The following ENOX1 variants were observed in gnomAD, a reference collection of about 807,000 sequenced individuals.
The protein encoded by ENOX1 is candidate growth-related and time keeping constitutive hydroquinone (NADH) oxidase.
Under a neutral mutation model 82.5 loss-of-function variants are expected in ENOX1, and 42 were observed. That is an observed-to-expected ratio of 0.51 (90% CI 0.40 to 0.66). The LOEUF (loss-of-function observed/expected upper bound fraction) is 0.66, where lower values mean the gene tolerates loss of function less well. ENOX1 is among the 30% of genes least tolerant of loss of function. ENOX1 has a pLI of 0.00. For missense variants in ENOX1, 608 were observed against 811.6 expected, an observed-to-expected ratio of 0.75 and a Z score of 3.05; for synonymous variants, 271 against 282.2, an observed-to-expected ratio of 0.96 and a Z score of 0.40.
chr13:43,444,454 G>A (rs2056519373), intron 3 of ENOX1, among the ~76,000 whole-genome samples: 1 of 152,158 alleles, frequency 6.6e-6, no homozygotes, highest in Admixed American at 6.5e-5. Flanking sequence ...GACCTGGAGA[G>A]AGAAAAAAGT....
chr13:43,628,508 T>C (rs2083066911), intron 2 of ENOX1, among the ~76,000 whole-genome samples: 1 of 152,188 alleles, frequency 6.6e-6, no homozygotes, highest in African/African-American at 2.4e-5. Context: ...CTTTCTATTT[T>C]TGCATTTATT....
rs535087759 is a variant in ENOX1 at position 43,413,108 on chromosome 13, C to T, written c.-74-120G>A. 40 of 1,033,280 alleles carry T rather than the reference C, an allele frequency of 3.9e-5. No homozygotes were observed. In the South Asian group the frequency reaches 7.9e-4, roughly 20 times the overall value. The allele number at this position is 1,033,280 out of a possible 1,614,324, so 64.0% of individuals were successfully genotyped here. A position where few individuals can be genotyped will look rare whatever the true frequency, so the allele number is the denominator to read the frequency against. On this transcript the variant is annotated intron_variant, in intron 3 of 16. Coordinates refer to ENST00000690772, the MANE Select transcript of ENOX1 (RefSeq NM_001347969.2). The stretch of plus-strand genomic sequence containing the variant: ...AAAGACCGATTTCCAGTCTCAGGCA[C>T]AGAAGAAATGCTGCTTCCCATCGCT...
intron 5 of ENOX1, among the ~76,000 whole-genome samples, chr13:43,385,997 C>T (rs1309929969): frequency 6.6e-6 from 1 of 152,128 alleles, no homozygotes; most frequent in East Asian, 1.9e-4. Context: ...GAAACCCCAT[C>T]TCTACTAAAA....
At chr13:43,340,072 A>G (rs2048967645) in intron 9 of ENOX1, among the ~76,000 whole-genome samples, 1 of 152,206 alleles carries the variant, frequency 6.6e-6, no homozygotes, top group African/African-American at 2.4e-5. Context: ...CACTAGAGAG[A>G]GGGAAATTCG....
At chr13:43,491,541 G>A (rs1215935611) in intron 2 of ENOX1, among the ~76,000 whole-genome samples, 2 of 152,178 alleles carry the variant, frequency 1.3e-5, no homozygotes, top group African/African-American at 2.4e-5. Context: ...GGCTGAGGAG[G>A]CAGATCATTT....
chr13:43,229,220 G>A (rs911273521), intron 15 of ENOX1, among the ~76,000 whole-genome samples: 2 of 152,202 alleles, frequency 1.3e-5, no homozygotes, highest in African/African-American at 4.8e-5. Context: ...CTGTGGAACT[G>A]TAAGTCCATT....
intron 2 of ENOX1, among the ~76,000 whole-genome samples, chr13:43,640,858 A>T (rs1487582643): frequency 9.3e-6 from 1 of 107,704 alleles, no homozygotes; most frequent in Non-Finnish European, 1.8e-5. Context: ...GTTTTAGAAC[A>T]CATACACACA....
intron 11 of ENOX1, among the ~76,000 whole-genome samples, chr13:43,313,142 G>A (rs2875524): frequency 0.95 from 145,157 of 152,228 alleles, 69,617 homozygotes; most frequent in East Asian, 1. Context: ...TGAGCTCTAG[G>A]CTTTCCACTT....
At chr13:43,300,214 C>A (rs932445194) in intron 11 of ENOX1, among the ~76,000 whole-genome samples, 5 of 151,900 alleles carry the variant, frequency 3.3e-5, no homozygotes, top group Non-Finnish European at 7.4e-5. Flanking sequence ...CATCTCAGAC[C>A]ACAAAAAGAG....
At chr13:43,708,113 T>G (rs971343635) in intron 1 of ENOX1, among the ~76,000 whole-genome samples, 6 of 151,834 alleles carry the variant, frequency 4.0e-5, no homozygotes, top group African/African-American at 1.5e-4. Flanking sequence ...ATCTCAGGAG[T>G]TGGGTGAGTG....
rs190404624 is a variant in ENOX1 at position 43,436,570 on chromosome 13, C to T, written c.-74-23582G>A. On this transcript the variant is annotated intron_variant, in intron 3 of 16. Coordinates refer to ENST00000690772, the MANE Select transcript of ENOX1 (RefSeq NM_001347969.2). ...GGAATGGCAGGAGTCTGTTCACAAC[C>T]TTTCATGGCAGAGAAGAGTTATATA... Among the ~76,000 whole-genome samples the T allele has an allele frequency of 3.2e-3, 480 of 152,224 alleles. 2 individuals carry two copies. Among genetic ancestry groups the T allele is most frequent in the Admixed American group, 6.1e-3 (93 of 15,274 alleles).
chr13:43,316,409 A>G (rs1174595433), intron 11 of ENOX1, among the ~76,000 whole-genome samples: 1 of 152,190 alleles, frequency 6.6e-6, no homozygotes, highest in Non-Finnish European at 1.5e-5. Context: ...TTGTGCACAT[A>G]TGAGAGAGAT....
At chr13:43,681,787 T>C (rs1425973624) in intron 1 of ENOX1, among the ~76,000 whole-genome samples, 1 of 151,920 alleles carries the variant, frequency 6.6e-6, no homozygotes, top group Non-Finnish European at 1.5e-5. Flanking sequence ...TTCTGGCCTG[T>C]TTAGGAGAAG....
chr13:43,499,679 C>T (rs773438468), intron 2 of ENOX1, among the ~76,000 whole-genome samples: 2 of 151,736 alleles, frequency 1.3e-5, no homozygotes, highest in African/African-American at 4.8e-5. Flanking sequence ...GCACAGACAC[C>T]AACACAAAGA....
intron 2 of ENOX1, among the ~76,000 whole-genome samples, chr13:43,585,398 C>T (rs2153721966): frequency 6.6e-6 from 1 of 152,216 alleles, no homozygotes; most frequent in South Asian, 2.1e-4. Flanking sequence ...TGCTTTAAGG[C>T]ACTATATTGG....
chr13:43,596,822 A>G (rs2081494468), intron 2 of ENOX1, among the ~76,000 whole-genome samples: 1 of 152,232 alleles, frequency 6.6e-6, no homozygotes, highest in African/African-American at 2.4e-5. Context: ...ACATTCACAC[A>G]ACCATGTATT....
chr13:43,227,629 T>A (rs531042448), intron 15 of ENOX1, among the ~76,000 whole-genome samples: 1 of 152,198 alleles, frequency 6.6e-6, no homozygotes, highest in African/African-American at 2.4e-5. Context: ...AAAATTTTCA[T>A]TGAAACTATT....
intron 1 of ENOX1, among the ~76,000 whole-genome samples, chr13:43,678,349 T>A (rs1000895721): frequency 6.6e-6 from 1 of 152,176 alleles, no homozygotes; most frequent in African/African-American, 2.4e-5. Context: ...AACTATCACA[T>A]CCTTATGATT....
At chr13:43,582,777 T>C (rs1166232448) in intron 2 of ENOX1, among the ~76,000 whole-genome samples, 1 of 152,174 alleles carries the variant, frequency 6.6e-6, no homozygotes, top group East Asian at 1.9e-4. Flanking sequence ...GGTCTTGCTA[T>C]GTTGCCTAGG....
Sources: allele counts gnomAD v4.1 joint callset (sites outside exome capture counted in the v4.1 genomes callset), GRCh38; gene constraint gnomAD v4.1.1; transcripts MANE v1.5; gene names NCBI Gene and HGNC (gene_info 2026-07-23, HGNC 2026-07-21).